EDIL3: variants seen among roughly 807,000 people sequenced by gnomAD.
EDIL3 encodes EGF like and discoidin domains 3.
In EDIL3, 37 loss-of-function variants were observed where a neutral mutation model predicts 67.4. The ratio of observed to expected loss-of-function variants is 0.55; its 90% confidence interval spans 0.42 to 0.72. The LOEUF (loss-of-function observed/expected upper bound fraction) is 0.72, where lower values mean the gene tolerates loss of function less well. Ranked by LOEUF, EDIL3 falls within the 30% of genes least tolerant of loss-of-function variation. The pLI is 0.00. For missense variants in EDIL3, 527 were observed against 586.3 expected, an observed-to-expected ratio of 0.90 and a Z score of 1.04; for synonymous variants, 195 against 196.3, an observed-to-expected ratio of 0.99 and a Z score of 0.05.
intron 3 of EDIL3, among the ~76,000 whole-genome samples, chr5:84,214,976 T>G (rs1221882062): frequency 6.6e-6 from 1 of 152,152 alleles, no homozygotes; most frequent in Non-Finnish European, 1.5e-5. Flanking sequence ...CACCGTGGCC[T>G]CCCAAAATGC....
At chr5:84,155,192 A>G (rs889058332) in intron 4 of EDIL3, among the ~76,000 whole-genome samples, 2 of 152,158 alleles carry the variant, frequency 1.3e-5, no homozygotes, top group East Asian at 3.9e-4. Flanking sequence ...GTATAACATT[A>G]TTTTGAGCCT....
chr5:84,298,646 C>T (rs1746096034), intron 1 of EDIL3, among the ~76,000 whole-genome samples: 1 of 152,188 alleles, frequency 6.6e-6, no homozygotes, highest in African/African-American at 2.4e-5. Context: ...AGAAACTTCT[C>T]ACCAGCCTCC....
chr5:84,072,464 A>C (rs948601117), intron 6 of EDIL3, among the ~76,000 whole-genome samples: 5 of 152,194 alleles, frequency 3.3e-5, no homozygotes, highest in South Asian at 2.1e-4. Context: ...AATATTAGCA[A>C]GAATATGGAG....
chr5:84,255,571 A>T (rs1745109311), intron 1 of EDIL3, among the ~76,000 whole-genome samples: 1 of 152,164 alleles, frequency 6.6e-6, no homozygotes, highest in Admixed American at 6.5e-5. Flanking sequence ...TTTTCAAAAT[A>T]AAAAAGCATC....
chr5:83,956,802 T>C (rs1744520430), intron 10 of EDIL3, among the ~76,000 whole-genome samples: 1 of 151,706 alleles, frequency 6.6e-6, no homozygotes, highest in Admixed American at 6.6e-5. Flanking sequence ...TTATTACACA[T>C]TGCATGCCTG....
At chr5:84,335,973 G>T (rs1746977307) in intron 1 of EDIL3, among the ~76,000 whole-genome samples, 1 of 152,170 alleles carries the variant, frequency 6.6e-6, no homozygotes. Flanking sequence ...GGGATAAACA[G>T]TTCCCTCACA....
At chr5:84,303,281 T>A (rs915625723) in intron 1 of EDIL3, among the ~76,000 whole-genome samples, 1 of 152,246 alleles carries the variant, frequency 6.6e-6, no homozygotes, top group Non-Finnish European at 1.5e-5. Flanking sequence ...ATGTTCTGGC[T>A]TCACAGTCAT....
intron 7 of EDIL3, among the ~76,000 whole-genome samples, chr5:84,066,208 C>T (rs77002156): frequency 2.7e-3 from 410 of 151,872 alleles, no homozygotes; most frequent in South Asian, 4.6e-3. Context: ...ACTGTGTCCA[C>T]CTGTGTCAAA....
intron 4 of EDIL3, among the ~76,000 whole-genome samples, chr5:84,164,847 C>T (rs534763663): frequency 6.6e-6 from 1 of 152,140 alleles, no homozygotes; most frequent in Admixed American, 6.6e-5. Context: ...AAGTGTCTTA[C>T]AAGGTTGAAA....
intron 4 of EDIL3, among the ~76,000 whole-genome samples, chr5:84,174,414 G>T (rs1748864058): frequency 6.6e-6 from 1 of 152,168 alleles, no homozygotes; most frequent in African/African-American, 2.4e-5. Context: ...CTCATATATG[G>T]TAACATTCAT....
At chr5:84,052,709 A>G (rs943194613) in intron 9 of EDIL3, among the ~76,000 whole-genome samples, 1 of 152,248 alleles carries the variant, frequency 6.6e-6, no homozygotes, top group Admixed American at 6.5e-5. Flanking sequence ...AAAGAGACAA[A>G]GAAGGCCATT....
intron 9 of EDIL3, among the ~76,000 whole-genome samples, chr5:84,038,078 C>T (rs746793152): frequency 6.2e-5 from 9 of 144,482 alleles, no homozygotes; most frequent in Non-Finnish European, 1.2e-4. Flanking sequence ...TCTCAGCTCA[C>T]TGCAAACTCT....
At chr5:84,332,312 T>C (rs997848502) in intron 1 of EDIL3, among the ~76,000 whole-genome samples, 3 of 152,058 alleles carry the variant, frequency 2.0e-5, no homozygotes, top group African/African-American at 4.8e-5. Context: ...TTGGAAACCA[T>C]AGTGAGCTAT....
chr5:84,378,403 A>G (rs571804345), intron 1 of EDIL3, among the ~76,000 whole-genome samples: 2 of 152,240 alleles, frequency 1.3e-5, no homozygotes, highest in South Asian at 2.1e-4. Context: ...AACTGCATGT[A>G]CCCAGTTTTT....
rs1747391055 is a variant in EDIL3, at chr5:84,352,853, A to G, written c.67+31455T>C. Among the ~76,000 whole-genome samples, 6 of 152,278 alleles carry G rather than the reference A, an allele frequency of 3.9e-5. 1 individual carries two copies. Among genetic ancestry groups the G allele is most frequent in the Admixed American group, 3.9e-4 (6 of 15,290 alleles). ...GATACAATGGCCCAAAAAATAATAA[A>G]AATGAAATAAATAAGATTTTAACAA... On this transcript the variant is annotated intron_variant, in intron 1 of 10. Transcript: ENST00000296591.
intron 1 of EDIL3, among the ~76,000 whole-genome samples, chr5:84,331,961 G>C (rs906991517): frequency 6.6e-6 from 1 of 152,114 alleles, no homozygotes; most frequent in Non-Finnish European, 1.5e-5. Flanking sequence ...TGTGAGGCAG[G>C]ATACATTCAT....
At chr5:84,157,004 C>T (rs576177330) in intron 4 of EDIL3, among the ~76,000 whole-genome samples, 5 of 152,140 alleles carry the variant, frequency 3.3e-5, no homozygotes, top group African/African-American at 9.6e-5. Flanking sequence ...CTAGTAATGT[C>T]TTTATCCATT....
intron 5 of EDIL3, among the ~76,000 whole-genome samples, chr5:84,120,772 G>T (rs562662154): frequency 6.6e-6 from 1 of 152,058 alleles, no homozygotes; most frequent in Non-Finnish European, 1.5e-5. Flanking sequence ...TCTTTATACA[G>T]GTCTCTTTTT....
At chr5:83,978,653 A>G (rs1744913555) in intron 9 of EDIL3, among the ~76,000 whole-genome samples, 1 of 152,060 alleles carries the variant, frequency 6.6e-6, no homozygotes, top group African/African-American at 2.4e-5. Context: ...AAGGATAGAC[A>G]AGCAGAAAAT....
Sources: gnomAD v4.1 joint callset for allele counts (sites outside exome capture counted in the v4.1 genomes callset) on GRCh38, gnomAD v4.1.1 for gene constraint, MANE v1.5 for transcripts, NCBI Gene and HGNC (gene_info 2026-07-23, HGNC 2026-07-21) for gene names.